MUC6: variants seen among roughly 807,000 people sequenced by gnomAD.
The protein encoded by MUC6 is mucin 6, oligomeric mucus/gel-forming (gene/pseudogene), also known as mucin-6.
A neutral mutation model predicts 201.5 loss-of-function variants in MUC6; 188 were observed. The ratio of observed to expected loss-of-function variants is 0.93; its 90% confidence interval spans 0.83 to 1.05. The LOEUF (loss-of-function observed/expected upper bound fraction) is 1.05. Ranked by LOEUF, MUC6 falls within the 50% of genes least tolerant of loss-of-function variation. MUC6 has a pLI of 0.00. For synonymous variants in MUC6, 1,228 were observed against 1,389.4 expected, an observed-to-expected ratio of 0.88 and a Z score of 2.58; for missense variants, 2,706 against 3,256.9, an observed-to-expected ratio of 0.83 and a Z score of 4.12.
intron 5 of MUC6, 31 bp downstream of exon 5, chr11:1,031,138 C>A (rs1857093166): frequency 7.3e-7 from 1 of 1,369,822 alleles, no homozygotes; most frequent in Non-Finnish European, 9.9e-7. Flanking sequence ...AGAGGCCCCC[C>A]CAGAGGCCCC....
At chr11:1,030,451 G>A (rs1208412578) in intron 7 of MUC6, 116 bp from the exon 8 acceptor site, 1 of 1,407,632 alleles carries the variant, frequency 7.1e-7, no homozygotes, top group Non-Finnish European at 9.5e-7. Context: ...GCAGCAGCGA[G>A]GATCTCCTGT....
intron 27 of MUC6, 24 bp downstream of exon 27, chr11:1,021,191 C>A: frequency 6.4e-7 from 1 of 1,554,336 alleles, no homozygotes; most frequent in Non-Finnish European, 8.7e-7. Context: ...GGGCAGGGTT[C>A]TCAGGGCAGC....
intron 1 of MUC6, among the ~76,000 whole-genome samples, chr11:1,035,449 G>T (rs1053395370): frequency 1.3e-5 from 2 of 152,154 alleles, no homozygotes; most frequent in Non-Finnish European, 2.9e-5. Flanking sequence ...CGCTGGGAGG[G>T]CTCAGAGACC....
intron 26 of MUC6, among the ~76,000 whole-genome samples, chr11:1,021,913 AC>A (rs1320274933): frequency 6.6e-6 from 1 of 151,896 alleles, no homozygotes; most frequent in Non-Finnish European, 1.5e-5. Context: ...TTGGGCCAGG[AC>A]CTGTTAATCC....
In MUC6 at chr11:1,024,897, C is replaced by T. The variant is rs374582581; in HGVS notation, c.3172G>A (p.Glu1058Lys). ...SLNAFRRSWA[E>K]RKCSVINSQT... ...CTGTTGATGACGCTGCACTTGCGCT[C>T]GGCCCAGGAGCGCCGGAAGGCATTG... The change falls in exon 24 of 33, where the codon GAG (glutamate) becomes AAG (lysine). Residue 1058 changes from glutamate (E) to lysine (K), a missense_variant. Glu to Lys is a moderately conservative substitution (Grantham distance 56, BLOSUM62 1). Coordinates refer to ENST00000421673, the MANE Select transcript of MUC6 (RefSeq NM_005961.3). 312 of 1,612,716 alleles carry T rather than the reference C, an allele frequency of 1.9e-4. No individual in the cohort carries two copies. The highest frequency in any genetic ancestry group is 5.3e-4 in the Admixed American group (32 of 60,030).
chr11:1,019,535 G>T, intron 29 of MUC6, 39 bp from the exon 30 acceptor site: 1 of 1,571,968 alleles, frequency 6.4e-7, no homozygotes, highest in Non-Finnish European at 8.7e-7. Context: ...CCTTGCTGTG[G>T]GCCTGCATTT....
intron 8 of MUC6, among the ~76,000 whole-genome samples, chr11:1,030,007 G>A (rs1857062898): frequency 6.6e-6 from 1 of 152,224 alleles, no homozygotes; most frequent in African/African-American, 2.4e-5. Context: ...CCGTGGGTTT[G>A]CAGGGGTGGC....
At chr11:1,019,958 A>G in intron 29 of MUC6, 132 bp downstream of exon 29, 2 of 1,211,472 alleles carry the variant, frequency 1.7e-6, no homozygotes, top group Non-Finnish European at 2.4e-6. Context: ...AAGCATAGGA[A>G]GTTCTACGCT....
At chr11:1,032,943 G>A (rs770814078) in intron 2 of MUC6, 70 bp downstream of exon 2, 26 of 1,423,916 alleles carry the variant, frequency 1.8e-5, no homozygotes, top group Admixed American at 6.6e-5. Context: ...CCTGGGCTCC[G>A]GGCCCCTCTC....
chr11:1,029,186 A>C (rs1404931870), intron 10 of MUC6, 36 bp from the exon 11 acceptor site: 2 of 1,605,242 alleles, frequency 1.2e-6, no homozygotes, highest in African/African-American at 2.7e-5. Context: ...GGGTGGGGTC[A>C]CCGGGAGCGC....
At chr11:1,013,875 C>T (rs772873828) in intron 32 of MUC6, 24 bp downstream of exon 32, 14 of 1,586,128 alleles carry the variant, frequency 8.8e-6, no homozygotes, top group Non-Finnish European at 7.7e-6. Flanking sequence ...GGACGTGGGG[C>T]AGGCCTCCCA....
rs561190331 is a variant in MUC6, at chr11:1,025,177, G to A, written c.2985+5C>T. 35 of 1,610,660 alleles carry A rather than the reference G, an allele frequency of 2.2e-5. No individual in the cohort carries two copies. Among genetic ancestry groups the A allele is most frequent in the Admixed American group, 1.2e-4 (7 of 60,000 alleles). ...GCCTGGGAGGAGGCAGAGGGCGTGC[G>A]GTACCTGGGAGGCACGGGCGATCCT... is the stretch of plus-strand genomic sequence containing the variant. On this transcript the variant is annotated splice_donor_5th_base_variant and intron_variant, in intron 23 of 32. Transcript: ENST00000421673.
In MUC6 at chr11:1,025,045, G is replaced by C; in HGVS notation, c.3024C>G (p.Asn1008Lys). 1 of 1,612,894 alleles carries C rather than the reference G, an allele frequency of 6.2e-7. No homozygotes were observed. The highest frequency in any genetic ancestry group is 8.5e-7 in the Non-Finnish European group (1 of 1,179,822). Residue 1008 changes from asparagine (N) to lysine (K), a missense_variant, in exon 24 of 33, where the codon AAC (asparagine) becomes AAG (lysine). Physicochemically the swap from Asn to Lys is moderately conservative, Grantham distance 94. Coordinates refer to ENST00000421673, the MANE Select transcript of MUC6 (RefSeq NM_005961.3). ...TGCGCGTCTCGAAGTCGTCCTTCAT[G>C]TTCCCGTTGAAGTTGCCACACAAGC... ...LCGLCGNFNGNMKDDFETRSR... is the reference protein window; with the variant it reads ...LCGLCGNFNGKMKDDFETRSR...
In MUC6 at chr11:1,020,678, A is replaced by C; in HGVS notation, c.3640+6T>G. ...TCACCTTGGCACCTAGTGTGCGTGC[A>C]ATTACCTGTGGTGGGCAGCTGCGGC... On this transcript the variant is annotated splice_donor_region_variant and intron_variant, in intron 28 of 32. Transcript: ENST00000421673. 1 of 1,613,548 alleles carries C rather than the reference A, an allele frequency of 6.2e-7. No individual in the cohort carries two copies. Among genetic ancestry groups the C allele is most frequent in the Non-Finnish European group, 8.5e-7 (1 of 1,179,732 alleles).
chr11:1,020,683 C>A lies in MUC6; in HGVS notation c.3640+1G>T. 6.2e-7 allele frequency: 1 copy of A among 1,613,580 alleles called. No individual in the cohort carries two copies. Among genetic ancestry groups the A allele is most frequent in the Non-Finnish European group, 8.5e-7 (1 of 1,179,750 alleles). On this transcript the variant is annotated splice_donor_variant, in intron 28 of 32. Transcript: ENST00000421673. LOFTEE classifies it high-confidence loss of function. ...TTGGCACCTAGTGTGCGTGCAATTA[C>A]CTGTGGTGGGCAGCTGCGGCGTGGT...
rs1469886111 is a variant in MUC6, at chr11:1,028,339, C to T, written c.1640G>A (p.Ser547Asn). 5.6e-6 allele frequency: 9 copies of T among 1,612,692 alleles called. No homozygotes were observed. The highest frequency in any genetic ancestry group is 6.8e-6 in the Non-Finnish European group (8 of 1,179,858). The change falls in exon 14 of 33, where the codon AGC (serine) becomes AAC (asparagine). Residue 547 changes from serine (S) to asparagine (N), a missense_variant. Physicochemically the swap from Ser to Asn is conservative, Grantham distance 46. Transcript: ENST00000421673. ...GGCGGTGCCCTCGGCGATACCCATGCTAGTGGTGAAGTCATCCGTTGTGTC... is the reference window on the plus strand; with the variant it reads ...GGCGGTGCCCTCGGCGATACCCATGTTAGTGGTGAAGTCATCCGTTGTGTC... ...NGDTTDDFTTSMGIAEGTASL... is the reference protein window; with the variant it reads ...NGDTTDDFTTNMGIAEGTASL...
chr11:1,016,257 A>G lies in MUC6; in HGVS notation c.6544T>C (p.Ser2182Pro). The G allele has an allele frequency of 6.2e-7, 1 of 1,613,182 alleles. No homozygotes were observed. The highest frequency in any genetic ancestry group is 1.7e-5 in the Admixed American group (1 of 59,912). Residue 2182 changes from serine to proline, a missense_variant, in exon 31 of 33, where the codon TCA becomes CCA. Physicochemically the swap from Ser to Pro is moderately conservative, Grantham distance 74. Transcript: ENST00000421673. ...GCAGTCGTGGGATGAGTGGACAATG[A>G]GGAGTGTGACCCCGAGCTCAGGGTT... ...STTLSSGSHSSLSTHPTTASV... is the reference protein window; with the variant it reads ...STTLSSGSHSPLSTHPTTASV...
chr11:1,020,786 G>A (rs1175584752), intron 27 of MUC6, 52 bp from the exon 28 acceptor site: 10 of 1,596,812 alleles, frequency 6.3e-6, no homozygotes, highest in East Asian at 2.2e-5. Flanking sequence ...TCCCCACCCC[G>A]TGGGGCCTCT....
rs57345623 is a variant in MUC6, at chr11:1,028,221, C to T, written c.1753+5G>A. ...AGCCAGGGGAGTGGGGGGCCGGACA[C>T]TCACTGTTGAGCTGGCTCATGGAGC... On this transcript the variant is annotated splice_donor_5th_base_variant and intron_variant, in intron 14 of 32. Coordinates refer to ENST00000421673, the MANE Select transcript of MUC6 (RefSeq NM_005961.3). The T allele has an allele frequency of 1.3e-6, 2 of 1,565,310 alleles. No homozygotes were observed. Among genetic ancestry groups the T allele is most frequent in the Non-Finnish European group, 1.7e-6 (2 of 1,155,256 alleles).
Sources: gnomAD v4.1 joint callset for allele counts (sites outside exome capture counted in the v4.1 genomes callset) on GRCh38, gnomAD v4.1.1 for gene constraint, MANE v1.5 for transcripts, NCBI Gene and HGNC (gene_info 2026-07-23, HGNC 2026-07-21) for gene names.